PALLD: variants seen among roughly 807,000 people sequenced by gnomAD.
The protein encoded by PALLD is palladin, cytoskeletal associated protein, also known as palladin.
Under a neutral mutation model 123.5 loss-of-function variants are expected in PALLD, and 61 were observed. That is an observed-to-expected ratio of 0.49 (90% CI 0.40 to 0.61). PALLD has a LOEUF of 0.61. Ranked by LOEUF, PALLD falls within the 20% of genes least tolerant of loss-of-function variation. The pLI is 0.00. For synonymous variants in PALLD, 465 were observed against 496.4 expected, an observed-to-expected ratio of 0.94 and a Z score of 0.84; for missense variants, 1,273 against 1,377.0, an observed-to-expected ratio of 0.92 and a Z score of 1.20.
intron 10 of PALLD, among the ~76,000 whole-genome samples, chr4:168,764,133 GTCT>G (rs1344752362): frequency 2.0e-5 from 3 of 152,124 alleles, no homozygotes; most frequent in Non-Finnish European, 4.4e-5. Flanking sequence ...CTTACTATAT[GTCT>G]TCTTATAGAT....
intron 10 of PALLD, among the ~76,000 whole-genome samples, chr4:168,779,710 G>T (rs928945675): frequency 6.6e-6 from 1 of 152,088 alleles, no homozygotes; most frequent in East Asian, 1.9e-4. Context: ...TATAAAAGTT[G>T]CTATAACATT....
rs1401242967 is a variant in PALLD, at chr4:168,915,887, G to A, written c.2718-8G>A. The A allele has an allele frequency of 6.2e-7, 1 of 1,610,852 alleles. No homozygotes were observed. On this transcript the variant is annotated splice_polypyrimidine_tract_variant and splice_region_variant and intron_variant, in intron 16 of 21. Transcript: ENST00000505667. ...TTTCTATCTATCTGTCATCTTTCTT[G>A]TTTCAAGGCCTCGTTCTAGATCAAG... is the stretch of plus-strand genomic sequence containing the variant.
chr4:168,916,486 T>TCTTTA (rs1553980924), intron 17 of PALLD, among the ~76,000 whole-genome samples: 25,514 of 141,556 alleles, frequency 0.18, 2,708 homozygotes, highest in African/African-American at 0.31. Flanking sequence ...TTACTATGAT[T>TCTTTA]CTTTAAATCT....
At chr4:168,917,668 C>G (rs1187079061) in intron 17 of PALLD, among the ~76,000 whole-genome samples, 6 of 151,984 alleles carry the variant, frequency 3.9e-5, no homozygotes, top group Non-Finnish European at 8.8e-5. Context: ...GGCATTGTTT[C>G]TTCAGAAAGT....
intron 2 of PALLD, among the ~76,000 whole-genome samples, chr4:168,604,389 C>A (rs1471015782): frequency 6.6e-6 from 1 of 152,082 alleles, no homozygotes; most frequent in East Asian, 1.9e-4. Flanking sequence ...CACACAACAC[C>A]CAGAAAAATC....
intron 10 of PALLD, among the ~76,000 whole-genome samples, chr4:168,803,684 C>A (rs115041960): frequency 4.0e-3 from 551 of 137,398 alleles, no homozygotes; most frequent in Middle Eastern, 0.011. Context: ...GACCCTGTCT[C>A]AAAAAAAAAA....
chr4:168,696,613 A>AAAAC (rs745382998), intron 8 of PALLD, among the ~76,000 whole-genome samples: 2 of 152,168 alleles, frequency 1.3e-5, no homozygotes, highest in African/African-American at 2.4e-5. Context: ...ATGTAAAACA[A>AAAAC]AAACAAACAA....
intron 8 of PALLD, among the ~76,000 whole-genome samples, chr4:168,692,037 T>G (rs1402591485): frequency 6.6e-6 from 1 of 152,222 alleles, no homozygotes; most frequent in Non-Finnish European, 1.5e-5. Context: ...GGGTCACAAT[T>G]TCACTTATTT....
intron 10 of PALLD, among the ~76,000 whole-genome samples, chr4:168,766,494 A>G (rs550459705): frequency 6.6e-6 from 1 of 152,342 alleles, no homozygotes; most frequent in East Asian, 1.9e-4. Flanking sequence ...CATTCTGCCC[A>G]TCACAGACAT....
At chr4:168,761,920 T>G (rs550308409) in intron 10 of PALLD, among the ~76,000 whole-genome samples, 7 of 152,058 alleles carry the variant, frequency 4.6e-5, no homozygotes, top group Admixed American at 2.0e-4. Context: ...CATGTTTAAG[T>G]TTTATCACTT....
intron 10 of PALLD, among the ~76,000 whole-genome samples, chr4:168,788,502 A>AT (rs1561524350): frequency 6.6e-6 from 1 of 152,160 alleles, no homozygotes; most frequent in African/African-American, 2.4e-5. Context: ...AGCACAGAGG[A>AT]TTTTTAGGGC....
chr4:168,913,578 C>T (rs1759487927), intron 15 of PALLD, among the ~76,000 whole-genome samples: 1 of 152,066 alleles, frequency 6.6e-6, no homozygotes, highest in South Asian at 2.1e-4. Flanking sequence ...AGACTGATGT[C>T]CTCCTGCTAT....
intron 12 of PALLD, among the ~76,000 whole-genome samples, chr4:168,895,188 C>T (rs758817899): frequency 6.6e-6 from 1 of 152,024 alleles, no homozygotes; most frequent in Non-Finnish European, 1.5e-5. Context: ...TCGAGACCAT[C>T]GTGGCCAACA....
Position 168,511,879 on chromosome 4 carries a change from A to G in PALLD, c.375A>G (p.Ser125=), listed in dbSNP as rs770993447. Residue 125 remains serine, a synonymous_variant, in exon 2 of 22, where the codon TCA becomes TCG. Transcript: ENST00000505667. Reference sequence around the variant, plus strand: ...TTTCAAAGAGGAAACCTGCCATGTCACCCCTGCTCACCAGGCCCAGCTACA... The same window carrying G: ...TTTCAAAGAGGAAACCTGCCATGTCGCCCCTGCTCACCAGGCCCAGCTACA... ...SPVSKRKPAM[S]PLLTRPSYIR... is the part of the protein sequence containing the mutation. 1.2e-6 allele frequency: 2 copies of G among 1,614,070 alleles called. No individual in the cohort carries two copies. Among genetic ancestry groups the G allele is most frequent in the Non-Finnish European group, 1.7e-6 (2 of 1,179,992 alleles).
chr4:168,747,289 T>C (rs779772347), intron 10 of PALLD, among the ~76,000 whole-genome samples: 1 of 152,214 alleles, frequency 6.6e-6, no homozygotes, highest in Non-Finnish European at 1.5e-5. Flanking sequence ...GACATTACGC[T>C]GAGGCTGAGG....
At chr4:168,576,445 C>T (rs1769603465) in intron 2 of PALLD, among the ~76,000 whole-genome samples, 1 of 151,932 alleles carries the variant, frequency 6.6e-6, no homozygotes, top group African/African-American at 2.4e-5. Flanking sequence ...TCCATGTGTT[C>T]TCATTGTTCA....
chr4:168,611,848 T>C (rs1010228859), intron 2 of PALLD, among the ~76,000 whole-genome samples: 17 of 152,066 alleles, frequency 1.1e-4, no homozygotes, highest in African/African-American at 4.1e-4. Context: ...CATTAATGAG[T>C]CAGATTCATC....
At chr4:168,916,088 T>C in intron 17 of PALLD, 61 bp downstream of exon 17, 1 of 1,485,868 alleles carries the variant, frequency 6.7e-7, no homozygotes, top group Non-Finnish European at 9.3e-7. Flanking sequence ...TTGCCATTTC[T>C]CTATAGTTCC....
chr4:168,526,095 G>A (rs1764017261), intron 2 of PALLD, among the ~76,000 whole-genome samples: 1 of 152,124 alleles, frequency 6.6e-6, no homozygotes, highest in Non-Finnish European at 1.5e-5. Context: ...ACATGGCCTA[G>A]GAGCAGCCCC....
Sources: gnomAD v4.1 joint callset for allele counts (sites outside exome capture counted in the v4.1 genomes callset) on GRCh38, gnomAD v4.1.1 for gene constraint, MANE v1.5 for transcripts, NCBI Gene and HGNC (gene_info 2026-07-23, HGNC 2026-07-21) for gene names.